Variants in IQCM observed in about 807,000 individuals in gnomAD.
The protein encoded by IQCM is IQ domain-containing protein M.
A neutral mutation model predicts 57.6 loss-of-function variants in IQCM; 45 were observed. The observed-to-expected ratio is 0.78, with a 90% CI of 0.62 to 1.00. IQCM has a LOEUF of 1.00. IQCM is among the 50% of genes least tolerant of loss of function. The pLI is 0.00. For missense variants in IQCM, 468 were observed against 511.6 expected (o/e 0.91, Z 0.82); for synonymous variants, 148 against 158.9 (o/e 0.93, Z 0.51).
chr4:149,534,917 A>G (rs1225432552), intron 12 of IQCM, among the ~76,000 whole-genome samples: 1 of 152,104 alleles, frequency 6.6e-6, no homozygotes, highest in African/African-American at 2.4e-5. Flanking sequence ...AGCTCCTAGT[A>G]AGAGGCTTGC....
chr4:149,500,472 A>G (rs148049057), intron 12 of IQCM, among the ~76,000 whole-genome samples: 3 of 152,210 alleles, frequency 2.0e-5, no homozygotes, highest in African/African-American at 4.8e-5. Flanking sequence ...ATTCAGACCC[A>G]GATTACTGAA....
intron 12 of IQCM, among the ~76,000 whole-genome samples, chr4:149,520,471 C>T (rs937352383): frequency 6.6e-6 from 1 of 152,076 alleles, no homozygotes; most frequent in African/African-American, 2.4e-5. Flanking sequence ...CATTAGCCTA[C>T]CCAGAACCCA....
chr4:149,373,218 C>T (rs1730481272), intron 13 of IQCM, among the ~76,000 whole-genome samples: 1 of 152,018 alleles, frequency 6.6e-6, no homozygotes, highest in Admixed American at 6.6e-5. Flanking sequence ...TACATGACAC[C>T]TACAATTGTA....
intron 12 of IQCM, among the ~76,000 whole-genome samples, chr4:149,521,258 GAGA>G (rs536823345): frequency 1.5e-3 from 225 of 151,908 alleles, no homozygotes; most frequent in African/African-American, 5.2e-3. Context: ...TTGAAAGGAA[GAGA>G]AGGAGAACAA....
intron 11 of IQCM, among the ~76,000 whole-genome samples, 177 bp from the exon 12 acceptor site, chr4:149,548,766 G>T (rs192032796): frequency 2.6e-5 from 4 of 152,044 alleles, no homozygotes; most frequent in Non-Finnish European, 4.4e-5. Context: ...CTCACATTCC[G>T]CAGTAGTGAA....
chr4:149,578,166 GAGAT>G (rs1245065054), intron 9 of IQCM, among the ~76,000 whole-genome samples: 1 of 151,776 alleles, frequency 6.6e-6, no homozygotes, highest in Non-Finnish European at 1.5e-5. Context: ...TCTGTGAAGA[GAGAT>G]AGTTTGACCT....
At chr4:149,520,737 A>G (rs1177161231) in intron 12 of IQCM, among the ~76,000 whole-genome samples, 3 of 152,204 alleles carry the variant, frequency 2.0e-5, no homozygotes, top group Non-Finnish European at 4.4e-5. Flanking sequence ...TACCATCTGG[A>G]TAATGCCAAG....
chr4:149,631,066 G>C (rs895665702), intron 7 of IQCM, among the ~76,000 whole-genome samples: 1 of 152,084 alleles, frequency 6.6e-6, no homozygotes, highest in Non-Finnish European at 1.5e-5. Context: ...CCAGAATGTT[G>C]GTACATGCTA....
intron 2 of IQCM, among the ~76,000 whole-genome samples, chr4:149,757,739 A>ATGTGTG (rs71955935): frequency 0.02 from 1,997 of 100,204 alleles, 43 homozygotes; most frequent in Admixed American, 0.097. Context: ...CTGATATTAT[A>ATGTGTG]TATGTGTGTG....
chr4:149,369,991 G>C (rs996567889), intron 13 of IQCM, among the ~76,000 whole-genome samples: 2 of 152,186 alleles, frequency 1.3e-5, no homozygotes, highest in Middle Eastern at 3.2e-3. Context: ...AGTCTCCTGG[G>C]TTCGAAAGAT....
chr4:149,657,825 G>T (rs1759769276), intron 7 of IQCM, among the ~76,000 whole-genome samples: 1 of 151,664 alleles, frequency 6.6e-6, no homozygotes, highest in Non-Finnish European at 1.5e-5. Flanking sequence ...GCCTATTAAG[G>T]TCTCTTGCCC....
At chr4:149,533,758 G>A (rs577706280) in intron 12 of IQCM, among the ~76,000 whole-genome samples, 1 of 152,208 alleles carries the variant, frequency 6.6e-6, no homozygotes, top group East Asian at 1.9e-4. Flanking sequence ...ATGCCCCCAT[G>A]ATTCAATTAC....
chr4:149,475,281 A>T (rs906603891), intron 12 of IQCM, among the ~76,000 whole-genome samples: 4 of 152,148 alleles, frequency 2.6e-5, no homozygotes, highest in African/African-American at 7.2e-5. Context: ...AGAGAAGGAG[A>T]GGAGTCAAAG....
chr4:149,505,583 G>C (rs1743721601), intron 12 of IQCM, among the ~76,000 whole-genome samples: 1 of 152,156 alleles, frequency 6.6e-6, no homozygotes, highest in Admixed American at 6.5e-5. Context: ...TAAATCATCT[G>C]AAATCCTGCC....
intron 5 of IQCM, among the ~76,000 whole-genome samples, chr4:149,707,274 C>A (rs1764229220): frequency 6.6e-6 from 1 of 152,088 alleles, no homozygotes; most frequent in Admixed American, 6.6e-5. Context: ...TATTCAAATA[C>A]ACTGAGCCTC....
chr4:149,492,052 T>C (rs1180307949), intron 12 of IQCM, among the ~76,000 whole-genome samples: 1 of 152,144 alleles, frequency 6.6e-6, no homozygotes, highest in Non-Finnish European at 1.5e-5. Flanking sequence ...TTTGTATGTC[T>C]TCTTTTGAGA....
rs1735909369 is a variant in IQCM at position 149,441,220 on chromosome 4, A to G, written c.1229-7663T>C. ...AACAGAAACAATAAAATTAACACCT[A>G]AATAAAAGAGACTGTCTAGAGTTGA... On this transcript the variant is annotated intron_variant, in intron 12 of 13. Transcript: ENST00000636793. Among the ~76,000 whole-genome samples, 2 of 152,160 alleles carry G rather than the reference A, an allele frequency of 1.3e-5. 1 individual carries two copies. The highest frequency in any genetic ancestry group is 4.1e-4 in the South Asian group (2 of 4,830).
chr4:149,514,076 G>A (rs572175715), intron 12 of IQCM, among the ~76,000 whole-genome samples: 2 of 151,942 alleles, frequency 1.3e-5, no homozygotes, highest in South Asian at 4.2e-4. Flanking sequence ...TCTTGAAAAA[G>A]AGAAGAGAAG....
chr4:149,468,795 G>C (rs1002370018), intron 12 of IQCM, among the ~76,000 whole-genome samples: 6 of 152,170 alleles, frequency 3.9e-5, no homozygotes, highest in African/African-American at 1.4e-4. Flanking sequence ...GAAGGATCAG[G>C]CAGCAACATT....
Sources: gnomAD v4.1 joint callset for allele counts (sites outside exome capture counted in the v4.1 genomes callset) on GRCh38, gnomAD v4.1.1 for gene constraint, MANE v1.5 for transcripts, NCBI Gene and HGNC (gene_info 2026-07-23, HGNC 2026-07-21) for gene names.